The following KDM2B variants were observed in gnomAD, a reference collection of about 807,000 sequenced individuals.
KDM2B encodes the protein lysine-specific demethylase 2B.
In KDM2B, 26 loss-of-function variants were observed where a neutral mutation model predicts 150.0. The observed-to-expected ratio is 0.17, with a 90% CI of 0.13 to 0.24. The LOEUF (loss-of-function observed/expected upper bound fraction) is 0.24. Among genes scored for constraint, KDM2B ranks in the 10% least tolerant of loss-of-function variants. The pLI is 1.00. For missense variants in KDM2B, 1,265 were observed against 1,816.9 expected, an observed-to-expected ratio of 0.70 and a Z score of 5.52; for synonymous variants, 734 against 729.5, an observed-to-expected ratio of 1.01 and a Z score of -0.10.
chr12:121,569,621 T>C (rs1555315604), intron 4 of KDM2B, among the ~76,000 whole-genome samples: 2 of 152,174 alleles, frequency 1.3e-5, no homozygotes, highest in Non-Finnish European at 2.9e-5. Context: ...AAATGTGCCC[T>C]ATCACCACTC....
rs1872772864 is a variant in KDM2B at position 121,430,165 on chromosome 12, T to C, written c.*123A>G. On this transcript the variant is annotated 3_prime_UTR_variant, in exon 23 of 23. Coordinates refer to ENST00000377071, the MANE Select transcript of KDM2B (RefSeq NM_032590.5). The surrounding 1 kb of genome is among the most constrained non-coding windows in gnomAD (Gnocchi z 4.4). The stretch of plus-strand genomic sequence containing the variant: ...TGAACAGCTTCTCCCTTGGAAAGAC[T>C]TGCAAAATGGAATTGCGTTGTGGTC... 1 of 1,614,232 alleles carries C rather than the reference T, an allele frequency of 6.2e-7. No homozygotes were observed. Among genetic ancestry groups the C allele is most frequent in the Non-Finnish European group, 8.5e-7 (1 of 1,180,038 alleles).
At chr12:121,478,866 T>TTGTTTGTTTGTGTGTGTGTGTGTGTG (rs61509046) in intron 12 of KDM2B, among the ~76,000 whole-genome samples, 161 of 131,204 alleles carry the variant, frequency 1.2e-3, no homozygotes, top group Non-Finnish European at 1.8e-3. Flanking sequence ...TTTTGTTTGT[T>TTGTTTGTTTGTGTGTGTGTGTGTGTG]TGTGTGTGTG....
chr12:121,535,657 G>C lies in KDM2B; in HGVS notation c.684-1067C>G, dbSNP rs1204569163. Among the ~76,000 whole-genome samples, 3 of 152,224 alleles carry C rather than the reference G, an allele frequency of 2.0e-5. No individual in the cohort carries two copies. In the East Asian group the frequency reaches 5.8e-4, roughly 29 times the overall value. On this transcript the variant is annotated intron_variant, in intron 6 of 22. Transcript: ENST00000377071. ...CACAGAGGAAGAGAAGGAGGAGGAAGAACTTGGACCTTGGAGGCTGGGGCC... is the reference window on the plus strand; with the variant it reads ...CACAGAGGAAGAGAAGGAGGAGGAACAACTTGGACCTTGGAGGCTGGGGCC...
Position 121,557,908 on chromosome 12 carries a change from T to C in KDM2B, c.398-8270A>G, listed in dbSNP as rs374048575. ...GTGACATATTTACACAGGGGAGGGC[T>C]GGTCCCTCCCCTTGCCTCCCTCCCA... is the stretch of plus-strand genomic sequence containing the variant. On this transcript the variant is annotated intron_variant, in intron 4 of 22. Coordinates refer to ENST00000377071, the MANE Select transcript of KDM2B (RefSeq NM_032590.5). Among the ~76,000 whole-genome samples the C allele has an allele frequency of 1.3e-3, 205 of 152,322 alleles. 1 individual carries two copies. The highest frequency in any genetic ancestry group is 4.6e-3 in the African/African-American group (190 of 41,576).
At position 121,441,203 on chromosome 12, in the gene KDM2B, A is replaced by G. The variant is rs782320177; in HGVS notation, c.3315T>C (p.Ile1105=). The G allele has an allele frequency of 6.2e-7, 1 of 1,614,138 alleles. No individual in the cohort carries two copies. Among genetic ancestry groups the G allele is most frequent in the South Asian group, 1.1e-5 (1 of 91,090 alleles). ...TGATAGACTTGCAGTGGTTCAGGTC[A>G]ATGCGGGTCCACAACCGCTTATCGC... The part of the protein sequence containing the change: ...WCCDKRLWTR[I]DLNHCKSITP... Residue 1105 remains isoleucine, a synonymous_variant, in exon 20 of 23, where the codon ATT becomes ATC. Coordinates refer to ENST00000377071, the MANE Select transcript of KDM2B (RefSeq NM_032590.5).
chr12:121,433,908 G>A (rs1010898562), intron 22 of KDM2B, among the ~76,000 whole-genome samples: 2 of 151,906 alleles, frequency 1.3e-5, no homozygotes, highest in African/African-American at 2.4e-5. Flanking sequence ...GGCCGGGCGC[G>A]ACTGCTCATG....
intron 4 of KDM2B, among the ~76,000 whole-genome samples, chr12:121,552,402 G>A (rs1889570755): frequency 6.6e-6 from 1 of 152,192 alleles, no homozygotes; most frequent in Admixed American, 6.5e-5. Flanking sequence ...GCCAAGTGCA[G>A]TGGCTCATGC....
chr12:121,565,865 G>A (rs1594141240), intron 4 of KDM2B, among the ~76,000 whole-genome samples: 1 of 152,020 alleles, frequency 6.6e-6, no homozygotes, highest in East Asian at 1.9e-4. Context: ...GACCTGAGGT[G>A]ATCCACCCAT....
rs761388539 is a variant in KDM2B, at chr12:121,439,999, G to A, written c.3687C>T (p.Ser1229=). Reference sequence around the variant, plus strand: ...GCATGTGGCGGATGATGAGCCGCAGGGAGGCATCTGTGATGTCCAGGCCTG... The same window carrying A: ...GCATGTGGCGGATGATGAGCCGCAGAGAGGCATCTGTGATGTCCAGGCCTG... ...RLAGLDITDA[S]LRLIIRHMPL... Residue 1229 remains serine (S), a synonymous_variant, in exon 22 of 23, where the codon TCC becomes TCT. Coordinates refer to ENST00000377071, the MANE Select transcript of KDM2B (RefSeq NM_032590.5). The A allele has an allele frequency of 1.2e-6, 2 of 1,614,120 alleles. No individual in the cohort carries two copies. The highest frequency in any genetic ancestry group is 2.2e-5 in the South Asian group (2 of 91,082).
rs1486373242 is a variant in KDM2B, at chr12:121,518,385, A to T, written c.1047+2600T>A. 2.6e-5 allele frequency among the ~76,000 whole-genome samples: 4 copies of T among 151,884 alleles called. No individual in the cohort carries two copies. The highest frequency in any genetic ancestry group is 9.7e-5 in the African/African-American group (4 of 41,198). On this transcript the variant is annotated intron_variant, in intron 9 of 22. Transcript: ENST00000377071. This position sits in a 1 kb window ranked among gnomAD's most constrained non-coding sequence, Gnocchi z 4.4. ...GCCTCGTAGCCAAGTCCCTCTCTCA[A>T]GACCAGAAATCAAGGCAGATTAAAC...
At chr12:121,493,254 A>G (rs1317469839) in intron 12 of KDM2B, among the ~76,000 whole-genome samples, 1 of 151,770 alleles carries the variant, frequency 6.6e-6, no homozygotes, top group Non-Finnish European at 1.5e-5. Context: ...AAAATCAGAA[A>G]TTAACAAAAT....
rs1490922174 is a variant in KDM2B at position 121,509,546 on chromosome 12, CCA to C, written c.1647+19_1647+20del. 2 of 1,608,566 alleles carry C rather than the reference CCA, an allele frequency of 1.2e-6. No individual in the cohort carries two copies. The highest frequency in any genetic ancestry group is 2.7e-5 in the African/African-American group (2 of 74,780). On this transcript the variant is annotated intron_variant, in intron 11 of 22. Coordinates refer to ENST00000377071, the MANE Select transcript of KDM2B (RefSeq NM_032590.5). ...CCCGGCCCTCCTCGGCCGCCCAGCC[CCA>C]GACGCCACTCCTGCCCACCTTCACA...
In KDM2B at chr12:121,440,997, G is replaced by T; in HGVS notation, c.3449-20C>A. 1 of 1,612,934 alleles carries T rather than the reference G, an allele frequency of 6.2e-7. No homozygotes were observed. Among genetic ancestry groups the T allele is most frequent in the Non-Finnish European group, 8.5e-7 (1 of 1,179,208 alleles). On this transcript the variant is annotated intron_variant, in intron 20 of 22. Transcript: ENST00000377071. ...GGAGCCCTGGGGGGACATAGAAAAGGGTGAAGGTCAGGGGATGTGTCCCCA... is the reference window on the plus strand; with the variant it reads ...GGAGCCCTGGGGGGACATAGAAAAGTGTGAAGGTCAGGGGATGTGTCCCCA...
chr12:121,453,084 G>C lies in KDM2B; in HGVS notation c.1959+36C>G. On this transcript the variant is annotated intron_variant, in intron 13 of 22. Transcript: ENST00000377071. This position sits in a 1 kb window ranked among gnomAD's most constrained non-coding sequence, Gnocchi z 6.4. ...CACGCGGGCCGGCACGCAGGGGCCT[G>C]AATCGAGCGCAGGGCTGGGCGGGGG... is the stretch of plus-strand genomic sequence containing the variant. 6.4e-7 allele frequency: 1 copy of C among 1,550,996 alleles called. No individual in the cohort carries two copies. Among genetic ancestry groups the C allele is most frequent in the Non-Finnish European group, 8.7e-7 (1 of 1,147,718 alleles).
At chr12:121,540,572 A>G (rs886918228) in intron 6 of KDM2B, among the ~76,000 whole-genome samples, 7 of 151,568 alleles carry the variant, frequency 4.6e-5, no homozygotes, top group Non-Finnish European at 8.8e-5. Context: ...AACATGGTGA[A>G]ACTCTGTCTC....
At chr12:121,480,721 T>C (rs1428554871) in intron 12 of KDM2B, among the ~76,000 whole-genome samples, 3 of 151,350 alleles carry the variant, frequency 2.0e-5, no homozygotes, top group Non-Finnish European at 4.4e-5. Context: ...AGTGAGCCAG[T>C]ATCATGCTAC....
chr12:121,429,786 T>C lies in KDM2B; in HGVS notation c.*502A>G, dbSNP rs1872727482. 2 of 536,138 alleles carry C rather than the reference T, an allele frequency of 3.7e-6. No homozygotes were observed. The highest frequency in any genetic ancestry group is 3.1e-5 in the South Asian group (1 of 32,238). 33.2% of individuals were successfully genotyped at this position (536,138 alleles called of 1,614,324 possible). ...CACTGGTATGCATTCAAACCTTGCA[T>C]AAATAACTTTTAAACAATTTGTACA... is the stretch of plus-strand genomic sequence containing the variant. On this transcript the variant is annotated 3_prime_UTR_variant, in exon 23 of 23. Coordinates refer to ENST00000377071, the MANE Select transcript of KDM2B (RefSeq NM_032590.5).
chr12:121,581,726 GCT>G (rs1555318119), upstream of KDM2B, among the ~76,000 whole-genome samples: 1 of 152,206 alleles, frequency 6.6e-6, no homozygotes, highest in African/African-American at 2.4e-5. Context: ...GGAAACTGAA[GCT>G]CAGAGAAATT....
At position 121,549,057 on chromosome 12, in the gene KDM2B, A is replaced by G. The variant is rs1048341751; in HGVS notation, c.577-74T>C. The G allele has an allele frequency of 8.0e-6, 10 of 1,257,202 alleles. No individual in the cohort carries two copies. The highest frequency in any genetic ancestry group is 1.5e-5 in the African/African-American group (1 of 67,976). 77.9% of individuals were successfully genotyped at this position (1,257,202 alleles called of 1,614,324 possible). A position where few individuals can be genotyped will look rare whatever the true frequency, so the allele number is the denominator to read the frequency against. ...GACACAAATACCCCTTTCCCCGGAG[A>G]GTCCTTGGGCCCCCCCGCTCCCCCA... On this transcript the variant is annotated intron_variant, in intron 5 of 22. Transcript: ENST00000377071. The surrounding 1 kb of genome is among the most constrained non-coding windows in gnomAD (Gnocchi z 4.4).
Sources: gnomAD v4.1 joint callset for allele counts (sites outside exome capture counted in the v4.1 genomes callset) on GRCh38, gnomAD v4.1.1 for gene constraint, Gnocchi (gnomAD v3.1) non-coding constraint, MANE v1.5 for transcripts, NCBI Gene and HGNC (gene_info 2026-07-23, HGNC 2026-07-21) for gene names.